The following FBXO7 variants were observed in gnomAD, a reference collection of about 807,000 sequenced individuals.
FBXO7 encodes the protein F-box protein 7.
FBXO7 carries 31 observed loss-of-function variants against 50.2 expected under a neutral mutation model. That is an observed-to-expected ratio of 0.62 (90% CI 0.46 to 0.83). The LOEUF is 0.83. Among genes scored for constraint, FBXO7 ranks in the 40% least tolerant of loss-of-function variants. The probability of loss-of-function intolerance (pLI) is 0.00; values close to 1 mark genes in which losing one functional copy is unlikely to be tolerated. For missense variants in FBXO7, 667 were observed against 646.6 expected (o/e 1.03, Z -0.34); for synonymous variants, 256 against 253.1 (o/e 1.01, Z -0.11).
intron 5 of FBXO7, chr22:32,489,366 A>G (rs1351802354): frequency 1.3e-5 from 2 of 152,290 alleles, no homozygotes; most frequent in Non-Finnish European, 2.9e-5. Flanking sequence ...GAATTGGTAT[A>G]GATGGCTTTT....
Position 32,479,240 on chromosome 22 carries a change from G to A in FBXO7, c.382G>A (p.Ala128Thr). 6.2e-7 allele frequency: 1 copy of A among 1,614,070 alleles called. No homozygotes were observed. Among genetic ancestry groups the A allele is most frequent in the East Asian group, 2.2e-5 (1 of 44,880 alleles). Residue 128 changes from alanine (A) to threonine (T), a missense_variant, in exon 2 of 9, where the codon GCA becomes ACA. Ala to Thr is a moderately conservative substitution (Grantham distance 58). Transcript: ENST00000266087. ...EQPSDSFQGQ[A>T]AQSGVWNDDS... The stretch of plus-strand genomic sequence containing the variant: ...ACCAAGTGATTCATTCCAAGGACAG[G>A]CAGCCCAGTCTGGTGTTTGGAATGA...
intron 2 of FBXO7, among the ~76,000 whole-genome samples, chr22:32,479,702 A>T (rs965643062): frequency 2.0e-5 from 3 of 152,118 alleles, no homozygotes; most frequent in Non-Finnish European, 4.4e-5. Flanking sequence ...GCTGCAGATT[A>T]TATTTTTATA....
Position 32,487,774 on chromosome 22 carries a change from AG to A in FBXO7, c.818del (p.Ser273MetfsTer2). ...ATLKINNEIR[S>X]VKRLQLLPES... is the part of the protein sequence containing the mutation. ...ACTAAAAATCAACAATGAGATTAGAAGTGTGAAAAGATTGCAGCTGCTACCA... is the reference window on the plus strand; with the variant it reads ...ACTAAAAATCAACAATGAGATTAGAATGTGAAAAGATTGCAGCTGCTACCA... On this transcript the variant is annotated frameshift_variant, in exon 5 of 9. Transcript: ENST00000266087. LOFTEE classifies it high-confidence loss of function. 1.2e-6 allele frequency: 2 copies of A among 1,609,716 alleles called. No homozygotes were observed. The highest frequency in any genetic ancestry group is 1.7e-4 in the Middle Eastern group (1 of 6,048).
At chr22:32,497,980 C>CA (rs2057586325) in intron 8 of FBXO7, among the ~76,000 whole-genome samples, 164 bp from the exon 9 acceptor site, 1 of 152,058 alleles carries the variant, frequency 6.6e-6, no homozygotes, top group African/African-American at 2.4e-5. Flanking sequence ...ACTGGGAAAC[C>CA]AAAAAAATTT....
chr22:32,497,487 GAGT>G (rs1327737782), intron 8 of FBXO7, among the ~76,000 whole-genome samples: 3 of 152,312 alleles, frequency 2.0e-5, no homozygotes, highest in Non-Finnish European at 4.4e-5. Flanking sequence ...TTTTATGGCT[GAGT>G]AGTATTCCAT....
At chr22:32,490,989 G>A (rs1324636463) in intron 5 of FBXO7, 97 bp from the exon 6 acceptor site, 4 of 834,164 alleles carry the variant, frequency 4.8e-6, no homozygotes, top group Admixed American at 1.9e-5. Flanking sequence ...AATTATTTGT[G>A]AATATTTATT....
In FBXO7 at chr22:32,479,179, C is replaced by G; in HGVS notation, c.321C>G (p.Ala107=). The change falls in exon 2 of 9, where the codon GCC becomes GCG. Residue 107 remains alanine (A), a synonymous_variant. Transcript: ENST00000266087. ...SLQNNEQPSL[A]TSSNQTSMQD... ...AGAATAATGAGCAACCCTCTTTGGC[C>G]ACCAGCTCCAATCAGACTAGCATGC... 6.2e-7 allele frequency: 1 copy of G among 1,614,020 alleles called. No homozygotes were observed. Among genetic ancestry groups the G allele is most frequent in the Non-Finnish European group, 8.5e-7 (1 of 1,180,018 alleles).
Position 32,498,759 on chromosome 22 carries a change from C to G in FBXO7, c.*229C>G. 1.7e-6 allele frequency: 1 copy of G among 583,402 alleles called. No individual in the cohort carries two copies. Among genetic ancestry groups the G allele is most frequent in the South Asian group, 2.1e-5 (1 of 48,730 alleles). 36.1% of individuals were successfully genotyped at this position (583,402 alleles called of 1,614,324 possible). ...ATAGTTGGCTGCCAATCTCCCTGCT[C>G]TTGGTTCTCCTCTAGATTGAAGTTT... On this transcript the variant is annotated 3_prime_UTR_variant, in exon 9 of 9. Coordinates refer to ENST00000266087, the MANE Select transcript of FBXO7 (RefSeq NM_012179.4).
intron 7 of FBXO7, among the ~76,000 whole-genome samples, chr22:32,494,680 A>G (rs1452752401): frequency 1.3e-5 from 2 of 152,154 alleles, no homozygotes; most frequent in Non-Finnish European, 2.9e-5. Flanking sequence ...ATACTTATAA[A>G]AGCAACAAAT....
At chr22:32,484,264 G>A in intron 3 of FBXO7, 140 bp downstream of exon 3, 2 of 742,658 alleles carry the variant, frequency 2.7e-6, no homozygotes, top group Non-Finnish European at 4.8e-6. Flanking sequence ...TGAAGTTCTG[G>A]GAGAAACATA....
At position 32,498,414 on chromosome 22, in the gene FBXO7, G is replaced by C. The variant is rs141286570; in HGVS notation, c.1453G>C (p.Val485Leu). ...FPPLRPRFDP[V>L]GPLPGPNPIL... Reference sequence around the variant, plus strand: ...TCCACTGAGACCACGCTTTGATCCAGTTGGCCCACTTCCAGGACCTAACCC... The same window carrying C: ...TCCACTGAGACCACGCTTTGATCCACTTGGCCCACTTCCAGGACCTAACCC... Residue 485 changes from valine to leucine, a missense_variant, in exon 9 of 9, where the codon GTT (valine) becomes CTT (leucine). Transcript: ENST00000266087. 1 of 1,614,182 alleles carries C rather than the reference G, an allele frequency of 6.2e-7. No individual in the cohort carries two copies.
chr22:32,498,404 C>G lies in FBXO7; in HGVS notation c.1443C>G (p.Arg481=). ...GCCAGTTTCCTCCACTGAGACCACG[C>G]TTTGATCCAGTTGGCCCACTTCCAG... ...TPSQFPPLRP[R]FDPVGPLPGP... Residue 481 remains arginine (R), a synonymous_variant, in exon 9 of 9, where the codon CGC becomes CGG. Transcript: ENST00000266087. 4 of 1,614,216 alleles carry G rather than the reference C, an allele frequency of 2.5e-6. No individual in the cohort carries two copies. The highest frequency in any genetic ancestry group is 3.4e-6 in the Non-Finnish European group (4 of 1,180,044).
At position 32,495,545 on chromosome 22, in the gene FBXO7, A is replaced by G. The variant is rs2057568701; in HGVS notation, c.1182+15A>G. On this transcript the variant is annotated intron_variant, in intron 8 of 8. Transcript: ENST00000266087. ...ATTGGAAAGAAGTAGGTATTTTTAA[A>G]TATTAAGACTAATGTCCATAACACA... 6.9e-7 allele frequency: 1 copy of G among 1,459,394 alleles called. No individual in the cohort carries two copies. Among genetic ancestry groups the G allele is most frequent in the Non-Finnish European group, 9.5e-7 (1 of 1,047,804 alleles). The allele number at this position is 1,459,394 out of a possible 1,614,324, so 90.4% of individuals were successfully genotyped here. A position where few individuals can be genotyped will look rare whatever the true frequency, so the allele number is the denominator to read the frequency against.
chr22:32,492,851 A>G lies in FBXO7; in HGVS notation c.968-254A>G. 1.5e-5 allele frequency: 8 copies of G among 523,166 alleles called. No homozygotes were observed. In the South Asian group the frequency reaches 1.8e-4, roughly 11 times the overall value. The allele number at this position is 523,166 out of a possible 1,614,324, so 32.4% of individuals were successfully genotyped here. On this transcript the variant is annotated intron_variant, in intron 6 of 8. Coordinates refer to ENST00000266087, the MANE Select transcript of FBXO7 (RefSeq NM_012179.4). ...AGCAATTATCATAGTTATTTGATTT[A>G]TATTAAAAAGCATTTGTCTTTCCAC...
chr22:32,490,141 A>G (rs745726327), intron 5 of FBXO7: 1 of 152,206 alleles, frequency 6.6e-6, no homozygotes, highest in Non-Finnish European at 1.5e-5. Context: ...TAAATATGAA[A>G]TGGGGAAGGA....
At chr22:32,497,054 G>GAA (rs1313245706) in intron 8 of FBXO7, among the ~76,000 whole-genome samples, 1 of 152,236 alleles carries the variant, frequency 6.6e-6, no homozygotes, top group East Asian at 1.9e-4. Flanking sequence ...GCTAGAATTA[G>GAA]AAGTGGAGCC....
chr22:32,475,100 C>T lies in FBXO7; in HGVS notation c.98C>T (p.Ser33Phe), dbSNP rs1251124649. Residue 33 changes from serine (S) to phenylalanine (F), a missense_variant, in exon 1 of 9, where the codon TCC (serine) becomes TTC (phenylalanine). Transcript: ENST00000266087. ...CATTTGCGCTCGCACCTGAGGCAGT[C>T]CCTGCTGTGCACCTGGGGGTACAGG... is the stretch of plus-strand genomic sequence containing the variant. ...LGHLRSHLRQ[S>F]LLCTWGYSSN... The T allele has an allele frequency of 6.5e-7, 1 of 1,546,112 alleles. No individual in the cohort carries two copies. Among genetic ancestry groups the T allele is most frequent in the Non-Finnish European group, 8.7e-7 (1 of 1,145,898 alleles).
rs754659988 is a variant in FBXO7, at chr22:32,483,877, GT to G, written c.418-16del. On this transcript the variant is annotated intron_variant, in intron 2 of 8. Coordinates refer to ENST00000266087, the MANE Select transcript of FBXO7 (RefSeq NM_012179.4). ...AAAATAAGTCTTTAATTAATTCATTGTTTTGTTTTCCTTTTTCAGTTAGGGC... is the reference window on the plus strand; with the variant it reads ...AAAATAAGTCTTTAATTAATTCATTGTTTGTTTTCCTTTTTCAGTTAGGGC... The G allele has an allele frequency of 2.5e-6, 4 of 1,605,430 alleles. No individual in the cohort carries two copies. Among genetic ancestry groups the G allele is most frequent in the Non-Finnish European group, 3.4e-6 (4 of 1,172,322 alleles).
chr22:32,476,663 T>C (rs954895349), intron 1 of FBXO7, among the ~76,000 whole-genome samples: 11 of 150,134 alleles, frequency 7.3e-5, no homozygotes, highest in African/African-American at 2.7e-4. Flanking sequence ...TGTCATGAAA[T>C]GCTTTTATTT....
Sources: allele counts gnomAD v4.1 joint callset (sites outside exome capture counted in the v4.1 genomes callset), GRCh38; gene constraint gnomAD v4.1.1; transcripts MANE v1.5; gene names NCBI Gene and HGNC (gene_info 2026-07-23, HGNC 2026-07-21).